Variants in MYO1F observed in about 807,000 individuals in gnomAD.
The protein encoded by MYO1F is unconventional myosin-If.
A neutral mutation model predicts 146.6 loss-of-function variants in MYO1F; 60 were observed. The observed-to-expected ratio is 0.41, with a 90% CI of 0.33 to 0.51. The LOEUF is 0.51. Among genes scored for constraint, MYO1F ranks in the 20% least tolerant of loss-of-function variants. The pLI, the probability that MYO1F is intolerant of heterozygous loss-of-function variation, is 0.25. For missense variants in MYO1F, 1,274 were observed against 1,534.3 expected (o/e 0.83, Z 2.83); for synonymous variants, 602 against 602.1 (o/e 1.00, Z 0.00).
intron 1 of MYO1F, among the ~76,000 whole-genome samples, chr19:8,559,330 AGGGGGTGGGGGGTG>A (rs141188240): frequency 1.3e-4 from 3 of 22,820 alleles, no homozygotes; most frequent in African/African-American, 6.8e-4. Flanking sequence ...AATGTTCTTG[AGGGGGTGGGGGGTG>A]GGGGGTGGGG....
At chr19:8,549,418 C>T (rs1305258686) in intron 10 of MYO1F, 3 of 151,600 alleles carry the variant, frequency 2.0e-5, no homozygotes, top group Non-Finnish European at 2.9e-5. Context: ...TTACAGGCAC[C>T]AGCCACCATG....
intron 21 of MYO1F, 60 bp from the exon 22 acceptor site, chr19:8,527,543 A>T: frequency 1.9e-6 from 3 of 1,598,328 alleles, no homozygotes; most frequent in Non-Finnish European, 1.7e-6. Context: ...GCCACAGAGG[A>T]TCCACCCCAG....
chr19:8,536,644 G>C (rs1251736300), intron 17 of MYO1F, 47 bp from the exon 18 acceptor site: 3 of 843,836 alleles, frequency 3.6e-6, no homozygotes, highest in African/African-American at 4.4e-5. Flanking sequence ...GGAGTCACCA[G>C]TCCTGGGGGT....
intron 23 of MYO1F, 22 bp downstream of exon 23, chr19:8,526,767 G>A: frequency 2.5e-6 from 4 of 1,596,894 alleles, no homozygotes; most frequent in Non-Finnish European, 3.4e-6. Flanking sequence ...CCGAGATGGT[G>A]CTGGGGTTGG....
rs1972230251 is a variant in MYO1F at position 8,525,543 on chromosome 19, C to T, written c.2790G>A (p.Met930Ile). Residue 930 changes from methionine (M) to isoleucine (I), a missense_variant, in exon 25 of 28, where the codon ATG becomes ATA. Transcript: ENST00000644032. The part of the protein sequence containing the change: ...PKSSKPTRKG[M>I]AKGKPRRSSQ... Reference sequence around the variant, plus strand: ...ACGACCTCCGAGGTTTTCCCTTGGCCATTCCCTTCCGCGTAGGCTCTGAAA... The same window carrying T: ...ACGACCTCCGAGGTTTTCCCTTGGCTATTCCCTTCCGCGTAGGCTCTGAAA... 2 of 1,613,426 alleles carry T rather than the reference C, an allele frequency of 1.2e-6. No homozygotes were observed. Among genetic ancestry groups the T allele is most frequent in the Non-Finnish European group, 1.7e-6 (2 of 1,179,956 alleles).
chr19:8,561,281 G>A (rs1203769890), intron 1 of MYO1F, among the ~76,000 whole-genome samples: 1 of 151,986 alleles, frequency 6.6e-6, no homozygotes, highest in African/African-American at 2.4e-5. Flanking sequence ...CAGGGACAGA[G>A]AATGGAATGC....
chr19:8,525,142 G>T (rs577857552), intron 25 of MYO1F: 14 of 223,846 alleles, frequency 6.3e-5, no homozygotes, highest in South Asian at 5.5e-4. Flanking sequence ...GAAGGTTGCA[G>T]TGAACCGAGA....
intron 2 of MYO1F, 131 bp from the exon 3 acceptor site, chr19:8,554,874 C>T (rs1483094437): frequency 1.1e-6 from 1 of 874,468 alleles, no homozygotes; most frequent in Non-Finnish European, 1.9e-6. Context: ...AATGGATGCA[C>T]CTCGAGTCTC....
Position 8,563,890 on chromosome 19 carries a change from A to G in MYO1F, c.4-8094T>C, listed in dbSNP as rs548963053. Among the ~76,000 whole-genome samples the G allele has an allele frequency of 2.6e-5, 4 of 152,110 alleles. No homozygotes were observed. The South Asian group carries it at 8.3e-4, about 32-fold the overall frequency. On this transcript the variant is annotated intron_variant, in intron 1 of 27. Coordinates refer to ENST00000644032, the MANE Select transcript of MYO1F (RefSeq NM_012335.4). The stretch of plus-strand genomic sequence containing the variant: ...GTGATCCACCCGCCTTGGCTTCTCA[A>G]AGTGCTGAGATTATAGGCATGAGCC...
chr19:8,532,950 A>G (rs917990061), intron 19 of MYO1F, among the ~76,000 whole-genome samples: 1 of 140,464 alleles, frequency 7.1e-6, no homozygotes, highest in African/African-American at 2.7e-5. Flanking sequence ...ACACACACAC[A>G]ATTGGGCTTT....
intron 1 of MYO1F, among the ~76,000 whole-genome samples, chr19:8,574,396 T>C (rs1314288988): frequency 4.6e-5 from 7 of 152,250 alleles, no homozygotes; most frequent in Non-Finnish European, 8.8e-5. Flanking sequence ...GTGCATGTTA[T>C]GTGCTCTGTA....
At chr19:8,557,637 T>C (rs1973914721) in intron 1 of MYO1F, among the ~76,000 whole-genome samples, 1 of 152,134 alleles carries the variant, frequency 6.6e-6, no homozygotes. Context: ...TTTCCATCTG[T>C]CACTCCACCT....
rs1324574885 is a variant in MYO1F, at chr19:8,555,785, C to T, written c.15G>A (p.Glu5=). 1.2e-6 allele frequency: 2 copies of T among 1,613,228 alleles called. No homozygotes were observed. The highest frequency in any genetic ancestry group is 1.3e-5 in the African/African-American group (1 of 74,924). MGSK[E]RFHWQSHNVK... ...CGTTGTGGCTCTGCCAGTGGAAGCG[C>T]TCCTTGCTGCCCTGGGGGGTGAGAG... Residue 5 remains glutamate (E), a synonymous_variant, in exon 2 of 28, where the codon GAG becomes GAA. Transcript: ENST00000644032.
chr19:8,541,594 A>G (rs912732463), intron 15 of MYO1F: 4 of 370,764 alleles, frequency 1.1e-5, no homozygotes, highest in Non-Finnish European at 2.1e-5. Flanking sequence ...ACGCCTAGGT[A>G]ATTTTTATAA....
chr19:8,537,162 G>T (rs900292044), intron 16 of MYO1F, 107 bp from the exon 17 acceptor site: 22 of 762,824 alleles, frequency 2.9e-5, no homozygotes, highest in Non-Finnish European at 5.0e-5. Flanking sequence ...ACTGGGGGTG[G>T]GTGAGGGCTG....
At chr19:8,544,030 C>CGGTGCTGGT (rs1973216584) in intron 14 of MYO1F, 4 of 290,062 alleles carry the variant, frequency 1.4e-5, no homozygotes, top group South Asian at 7.1e-5. Flanking sequence ...GTGGCGGTGG[C>CGGTGCTGGT]GGTGGCGGTG....
At chr19:8,532,903 T>TACACACACACACAC (rs60799506) in intron 19 of MYO1F, among the ~76,000 whole-genome samples, 35 of 113,164 alleles carry the variant, frequency 3.1e-4, no homozygotes, top group Non-Finnish European at 5.2e-4. Flanking sequence ...AAAAAAAAAA[T>TACACACACACACAC]ACACACACAC....
At position 8,525,629 on chromosome 19, in the gene MYO1F, A is replaced by G. The variant is rs2145825706; in HGVS notation, c.2771-67T>C. On this transcript the variant is annotated intron_variant, in intron 24 of 27. Transcript: ENST00000644032. ...CGCTCTTTGCCCCGCCCACAAATCTAGTCCATTCTGAGGCTCCGCCGCACC... is the reference window on the plus strand; with the variant it reads ...CGCTCTTTGCCCCGCCCACAAATCTGGTCCATTCTGAGGCTCCGCCGCACC... 4.3e-6 allele frequency: 6 copies of G among 1,394,234 alleles called. No homozygotes were observed. The South Asian group carries it at 7.1e-5, about 16-fold the overall frequency. The allele number at this position is 1,394,234 out of a possible 1,614,324, so 86.4% of individuals were successfully genotyped here.
At chr19:8,527,830 C>T (rs550029915) in intron 21 of MYO1F, among the ~76,000 whole-genome samples, 6 of 152,260 alleles carry the variant, frequency 3.9e-5, no homozygotes, top group South Asian at 4.1e-4. Flanking sequence ...CCAGGCTGGT[C>T]TTGAGCTCCT....
Sources: allele counts gnomAD v4.1 joint callset (sites outside exome capture counted in the v4.1 genomes callset), GRCh38; gene constraint gnomAD v4.1.1; transcripts MANE v1.5; gene names NCBI Gene and HGNC (gene_info 2026-07-23, HGNC 2026-07-21).